Variants in DOCK8 observed in about 807,000 individuals in gnomAD.
DOCK8 encodes dedicator of cytokinesis 8.
In DOCK8, 141 loss-of-function variants were observed where a neutral mutation model predicts 245.6. The observed-to-expected ratio is 0.57, with a 90% CI of 0.50 to 0.66. The LOEUF (loss-of-function observed/expected upper bound fraction) is 0.66, where lower values mean the gene tolerates loss of function less well. Ranked by LOEUF, DOCK8 falls within the 30% of genes least tolerant of loss-of-function variation. The probability of loss-of-function intolerance (pLI) is 0.00; values close to 1 mark genes in which losing one functional copy is unlikely to be tolerated. For missense variants in DOCK8, 2,965 were observed against 2,603.4 expected (o/e 1.14, Z -3.02); for synonymous variants, 1,168 against 970.2 (o/e 1.20, Z -3.79).
chr9:270,496 C>A (rs1342559847), intron 1 of DOCK8, among the ~76,000 whole-genome samples: 2 of 152,174 alleles, frequency 1.3e-5, no homozygotes, highest in Non-Finnish European at 2.9e-5. Context: ...AAAGTTGGGA[C>A]AAGAGCCCAG....
At chr9:367,758 A>C (rs1278781951) in intron 14 of DOCK8, among the ~76,000 whole-genome samples, 1 of 152,216 alleles carries the variant, frequency 6.6e-6, no homozygotes, top group African/African-American at 2.4e-5. Context: ...TCCACATTCC[A>C]AGACATGAAG....
intron 1 of DOCK8, among the ~76,000 whole-genome samples, chr9:253,012 C>T (rs1007023284): frequency 2.6e-5 from 4 of 152,012 alleles, no homozygotes; most frequent in Admixed American, 6.6e-5. Context: ...AATGTTTTTT[C>T]GGAAACTAGC....
At chr9:346,100 C>G (rs1002729474) in intron 14 of DOCK8, among the ~76,000 whole-genome samples, 1 of 151,740 alleles carries the variant, frequency 6.6e-6, no homozygotes, top group African/African-American at 2.4e-5. Context: ...CAGAGCCAGG[C>G]AGGACACTCT....
At chr9:407,112 C>G in intron 28 of DOCK8, 43 bp downstream of exon 28, 2 of 1,613,558 alleles carry the variant, frequency 1.2e-6, no homozygotes, top group Non-Finnish European at 1.7e-6. Context: ...GCCAAAAAAA[C>G]AGATGTTCTT....
At chr9:306,746 A>G (rs1344408850) in intron 5 of DOCK8, among the ~76,000 whole-genome samples, 1 of 152,116 alleles carries the variant, frequency 6.6e-6, no homozygotes, top group Non-Finnish European at 1.5e-5. Context: ...TTTAATTAGC[A>G]TTTCCTAAGT....
At position 325,732 on chromosome 9, in the gene DOCK8, A is replaced by G. The variant is rs1425866439; in HGVS notation, c.889A>G (p.Lys297Glu). The change falls in exon 8 of 48, where the codon AAA (lysine) becomes GAA (glutamate). Residue 297 changes from lysine to glutamate, a missense_variant. By Grantham distance (56) the Lys-to-Glu change is moderately conservative. Transcript: ENST00000432829. ...SIALYDVKER[K>E]KISENFHCDL... ...TGCCCTCTACGATGTTAAAGAAAGG[A>G]AAAAGGTAAGAAAGCAAAGAAAAAT... 3 of 1,612,662 alleles carry G rather than the reference A, an allele frequency of 1.9e-6. No homozygotes were observed. The highest frequency in any genetic ancestry group is 1.7e-5 in the Admixed American group (1 of 60,002).
chr9:365,641 T>C (rs2052952403), intron 14 of DOCK8: 1 of 455,504 alleles, frequency 2.2e-6, no homozygotes, highest in African/African-American at 2.0e-5. Context: ...CCACAGCCCT[T>C]TGAGGTCGAT....
chr9:266,675 AC>A (rs1164061072), intron 1 of DOCK8, among the ~76,000 whole-genome samples: 2 of 152,208 alleles, frequency 1.3e-5, no homozygotes, highest in African/African-American at 4.8e-5. Context: ...TCTGAAAAAA[AC>A]ATAGAGCTTC....
chr9:269,137 T>C (rs2129901853), intron 1 of DOCK8, among the ~76,000 whole-genome samples: 1 of 152,334 alleles, frequency 6.6e-6, no homozygotes, highest in South Asian at 2.1e-4. Context: ...TTCACAGTCA[T>C]CACTACAATC....
At position 311,965 on chromosome 9, in the gene DOCK8, C is replaced by T. The variant is rs1204188309; in HGVS notation, c.540C>T (p.Arg180=). The T allele has an allele frequency of 1.9e-6, 3 of 1,613,988 alleles. No homozygotes were observed. The highest frequency in any genetic ancestry group is 1.7e-6 in the Non-Finnish European group (2 of 1,180,032). Residue 180 remains arginine (R), a synonymous_variant, in exon 6 of 48, where the codon CGC becomes CGT. Transcript: ENST00000432829. The part of the protein sequence containing the change: ...CSEPAAQAGP[R]HLNVLCDVSG... ...GTTTTCTCTCACAGGCAGGCCCCCGCCACTTAAACGTGCTGTGCGACGTGT... is the reference window on the plus strand; with the variant it reads ...GTTTTCTCTCACAGGCAGGCCCCCGTCACTTAAACGTGCTGTGCGACGTGT...
intron 45 of DOCK8, among the ~76,000 whole-genome samples, chr9:450,345 T>C (rs2057388645): frequency 6.6e-6 from 1 of 152,132 alleles, no homozygotes; most frequent in South Asian, 2.1e-4. Context: ...AACATCCAAC[T>C]CTTGGCTCAG....
chr9:353,168 T>C (rs1190209356), intron 14 of DOCK8, among the ~76,000 whole-genome samples: 1 of 152,176 alleles, frequency 6.6e-6, no homozygotes, highest in African/African-American at 2.4e-5. Flanking sequence ...GTAATGCAAC[T>C]TTGTCCTGCA....
At chr9:413,873 G>A (rs181211046) in intron 28 of DOCK8, among the ~76,000 whole-genome samples, 1 of 152,198 alleles carries the variant, frequency 6.6e-6, no homozygotes, top group South Asian at 2.1e-4. Context: ...GGCGCTCGGC[G>A]GCTCACGCCT....
At chr9:461,315 C>G (rs575859333) in intron 46 of DOCK8, among the ~76,000 whole-genome samples, 67 of 152,274 alleles carry the variant, frequency 4.4e-4, no homozygotes, top group African/African-American at 1.6e-3. Flanking sequence ...TTGTCTCCCT[C>G]TCATTTTCCA....
chr9:463,279 A>T (rs984184765), intron 46 of DOCK8, among the ~76,000 whole-genome samples: 9 of 88,600 alleles, frequency 1.0e-4, no homozygotes, highest in African/African-American at 3.4e-4. Flanking sequence ...AATAAGGTAA[A>T]AAAAAAAAAC....
chr9:400,163 C>CCAT (rs2054768541), intron 26 of DOCK8, among the ~76,000 whole-genome samples: 3 of 101,520 alleles, frequency 3.0e-5, no homozygotes, highest in Non-Finnish European at 6.1e-5. Context: ...ACCACCACCA[C>CCAT]CACCTCCACC....
chr9:222,733 T>G (rs990919444), intron 1 of DOCK8, among the ~76,000 whole-genome samples: 2 of 152,256 alleles, frequency 1.3e-5, no homozygotes, highest in Non-Finnish European at 2.9e-5. Flanking sequence ...TTTTTCACTT[T>G]CTGCTTCTGT....
intron 6 of DOCK8, chr9:312,734 G>A (rs2050180135): frequency 3.0e-6 from 1 of 329,812 alleles, no homozygotes; most frequent in Non-Finnish European, 5.8e-6. Flanking sequence ...GGATAATGTA[G>A]ACTTTGCCTG....
At position 446,530 on chromosome 9, in the gene DOCK8, G is replaced by C; in HGVS notation, c.5741G>C (p.Arg1914Thr). The change falls in exon 44 of 48, where the codon AGA (arginine) becomes ACA (threonine). Residue 1914 changes from arginine to threonine, a missense_variant. Arg to Thr is a moderately conservative substitution (Grantham distance 71). Coordinates refer to ENST00000432829, the MANE Select transcript of DOCK8 (RefSeq NM_203447.4). ...CGGGGAGAGCTGCATGAGCAGTACA[G>C]AAGGAACACAGTCCTGACCACTATG... ...RPRGELHEQY[R>T]RNTVLTTMHA... 6.2e-7 allele frequency: 1 copy of C among 1,614,236 alleles called. No homozygotes were observed. Among genetic ancestry groups the C allele is most frequent in the Non-Finnish European group, 8.5e-7 (1 of 1,180,042 alleles).
Sources: gnomAD v4.1 joint callset for allele counts (sites outside exome capture counted in the v4.1 genomes callset) on GRCh38, gnomAD v4.1.1 for gene constraint, MANE v1.5 for transcripts, NCBI Gene and HGNC (gene_info 2026-07-23, HGNC 2026-07-21) for gene names.